The following TANC2 variants were observed in gnomAD, a reference collection of about 807,000 sequenced individuals.
TANC2 encodes the protein tetratricopeptide repeat, ankyrin repeat and coiled-coil containing 2.
In TANC2, 26 loss-of-function variants were observed where a neutral mutation model predicts 210.5. That is an observed-to-expected ratio of 0.12 (90% confidence interval 0.09 to 0.17). The LOEUF (loss-of-function observed/expected upper bound fraction) is 0.17, where lower values mean the gene tolerates loss of function less well. Among genes scored for constraint, TANC2 ranks in the 10% least tolerant of loss-of-function variants. The pLI is 1.00. For synonymous variants in TANC2, 931 were observed against 967.1 expected, an observed-to-expected ratio of 0.96 and a Z score of 0.69; for missense variants, 2,129 against 2,608.9, an observed-to-expected ratio of 0.82 and a Z score of 4.01.
At chr17:63,264,470 A>G (rs181538117) in intron 8 of TANC2, among the ~76,000 whole-genome samples, 1 of 152,298 alleles carries the variant, frequency 6.6e-6, no homozygotes, top group African/African-American at 2.4e-5. Flanking sequence ...ATTATGACCA[A>G]GCAAAATGCC....
At chr17:63,355,543 T>A (rs2046756300) in intron 14 of TANC2, among the ~76,000 whole-genome samples, 153 bp downstream of exon 14, 1 of 152,192 alleles carries the variant, frequency 6.6e-6, no homozygotes, top group South Asian at 2.1e-4. Context: ...ATAATGAGGT[T>A]AACTAATTTA....
chr17:63,277,318 G>A (rs541376070), intron 9 of TANC2, among the ~76,000 whole-genome samples: 1 of 149,376 alleles, frequency 6.7e-6, no homozygotes, highest in South Asian at 2.1e-4. Context: ...GTTCCGGGGT[G>A]CGTGTGAAGG....
chr17:63,197,421 A>G (rs1420950894), intron 6 of TANC2, among the ~76,000 whole-genome samples: 1 of 152,214 alleles, frequency 6.6e-6, no homozygotes, highest in Non-Finnish European at 1.5e-5. Context: ...TTCTGGTCTC[A>G]GGAAGATTAT....
chr17:63,104,047 A>G (rs1167072255), intron 4 of TANC2, among the ~76,000 whole-genome samples: 1 of 152,188 alleles, frequency 6.6e-6, no homozygotes, highest in Non-Finnish European at 1.5e-5. Context: ...GTGAAATTAA[A>G]TAGCTCATCC....
chr17:63,050,374 A>T (rs1223364956), intron 2 of TANC2, among the ~76,000 whole-genome samples: 3 of 151,906 alleles, frequency 2.0e-5, no homozygotes, highest in Non-Finnish European at 4.4e-5. Context: ...AAAAAAAAAA[A>T]AGAAAGAAAG....
chr17:63,099,766 C>T (rs7501430), intron 4 of TANC2, among the ~76,000 whole-genome samples: 90,938 of 151,928 alleles, frequency 0.6, 29,787 homozygotes, highest in African/African-American at 0.87. Context: ...TTTGAAATTG[C>T]TATTTGTATA....
At chr17:63,311,206 G>A (rs1177446023) in intron 9 of TANC2, among the ~76,000 whole-genome samples, 2 of 151,314 alleles carry the variant, frequency 1.3e-5, no homozygotes, top group Non-Finnish European at 1.5e-5. Flanking sequence ...TTATAACAGT[G>A]GAAAACCAAA....
At chr17:63,090,425 A>G (rs1389923098) in intron 3 of TANC2, among the ~76,000 whole-genome samples, 1 of 151,474 alleles carries the variant, frequency 6.6e-6, no homozygotes, top group Non-Finnish European at 1.5e-5. Flanking sequence ...ATGTGTTCTC[A>G]TTGTTCAGTT....
chr17:63,293,060 A>G (rs1253558782), intron 9 of TANC2, among the ~76,000 whole-genome samples: 1 of 152,158 alleles, frequency 6.6e-6, no homozygotes, highest in Non-Finnish European at 1.5e-5. Flanking sequence ...CATTATCTTT[A>G]GAGTGTGTTT....
chr17:63,342,119 C>G (rs534360564), intron 12 of TANC2, among the ~76,000 whole-genome samples: 5 of 152,194 alleles, frequency 3.3e-5, no homozygotes, highest in African/African-American at 1.2e-4. Context: ...TACCTGCCCC[C>G]CTCCAGTCAG....
At chr17:63,162,806 A>G (rs1286171590) in intron 5 of TANC2, among the ~76,000 whole-genome samples, 1 of 152,090 alleles carries the variant, frequency 6.6e-6, no homozygotes, top group African/African-American at 2.4e-5. Context: ...ATTTGAAGAA[A>G]GAGAAGAAGC....
chr17:63,004,319 T>A lies in TANC2; in HGVS notation c.-23-5218T>A, dbSNP rs373853733. The stretch of plus-strand genomic sequence containing the variant: ...TCAGGTCCCAACAGGTGTTTGGGCC[T>A]AAGGAGTTAAGTCTGTGCTGAAGGT... On this transcript the variant is annotated intron_variant, in intron 1 of 27. Transcript: ENST00000689528. Among the ~76,000 whole-genome samples, 25 of 152,268 alleles carry A rather than the reference T, an allele frequency of 1.6e-4. No homozygotes were observed. The East Asian group carries it at 2.5e-3, about 15-fold the overall frequency.
chr17:63,236,779 T>C (rs769956870), intron 7 of TANC2, among the ~76,000 whole-genome samples: 2 of 152,150 alleles, frequency 1.3e-5, no homozygotes, highest in Non-Finnish European at 2.9e-5. Flanking sequence ...TCTAACTTGT[T>C]TTGTTTAAGA....
rs536253345 is a variant in TANC2 at position 63,246,663 on chromosome 17, A to G, written c.1033+8586A>G. On this transcript the variant is annotated intron_variant, in intron 8 of 27. Transcript: ENST00000689528. ...CAGTAGTTTCTTCCTTTTTATTTCA[A>G]GTAGGATTCCACTGTATGACTGTAC... Among the ~76,000 whole-genome samples, 9 of 152,194 alleles carry G rather than the reference A, an allele frequency of 5.9e-5. No individual in the cohort carries two copies. The South Asian group carries it at 1.9e-3, about 32-fold the overall frequency.
intron 1 of TANC2, among the ~76,000 whole-genome samples, chr17:62,994,177 AT>A (rs776984823): frequency 2.2e-3 from 321 of 144,262 alleles, no homozygotes; most frequent in African/African-American, 2.4e-3. Flanking sequence ...GGTAAGTAGA[AT>A]TTTTTTTTTT....
At chr17:62,982,663 A>T (rs1393798962) in intron 1 of TANC2, among the ~76,000 whole-genome samples, 1 of 151,996 alleles carries the variant, frequency 6.6e-6, no homozygotes, top group Non-Finnish European at 1.5e-5. Context: ...CTTTAATCCC[A>T]CTAGGACCTC....
chr17:63,246,628 G>GTA (rs2042927950), intron 8 of TANC2, among the ~76,000 whole-genome samples: 1 of 152,030 alleles, frequency 6.6e-6, no homozygotes, highest in Non-Finnish European at 1.5e-5. Flanking sequence ...GGTTTATGAC[G>GTA]TATATATATC....
At chr17:63,362,926 G>A (rs2047008217) in intron 14 of TANC2, among the ~76,000 whole-genome samples, 1 of 151,926 alleles carries the variant, frequency 6.6e-6, no homozygotes, top group Non-Finnish European at 1.5e-5. Flanking sequence ...TCTATTTATA[G>A]TTTTTTTTAG....
At chr17:63,271,865 C>T (rs2043720875) in intron 9 of TANC2, among the ~76,000 whole-genome samples, 2 of 151,952 alleles carry the variant, frequency 1.3e-5, no homozygotes, top group African/African-American at 4.8e-5. Context: ...TTGTCAGAGA[C>T]ATCGTTTGCA....
Sources: allele counts gnomAD v4.1 joint callset (sites outside exome capture counted in the v4.1 genomes callset), GRCh38; gene constraint gnomAD v4.1.1; transcripts MANE v1.5; gene names NCBI Gene and HGNC (gene_info 2026-07-23, HGNC 2026-07-21).